The following LRRCC1 variants were observed in gnomAD, a reference collection of about 807,000 sequenced individuals.
The protein encoded by LRRCC1 is leucine-rich repeat and coiled-coil domain-containing protein 1.
In LRRCC1, 115 loss-of-function variants were observed where a neutral mutation model predicts 126.0. The observed-to-expected ratio is 0.91, with a 90% confidence interval of 0.78 to 1.07. The LOEUF is 1.07. LRRCC1 is among the 50% of genes least tolerant of loss of function. The pLI is 0.00. For synonymous variants in LRRCC1, 400 were observed against 393.4 expected, an observed-to-expected ratio of 1.02 and a Z score of -0.20; for missense variants, 1,172 against 1,175.7, an observed-to-expected ratio of 1.00 and a Z score of 0.05.
At chr8:85,119,867 G>A (rs940370657) in intron 6 of LRRCC1, among the ~76,000 whole-genome samples, 11 of 152,120 alleles carry the variant, frequency 7.2e-5, no homozygotes, top group Non-Finnish European at 1.5e-4. Flanking sequence ...TTTTAAAGCC[G>A]TAAACATTCC....
In LRRCC1 at chr8:85,115,433, A is replaced by G; in HGVS notation, c.779A>G (p.Gln260Arg). Residue 260 changes from glutamine to arginine, a missense_variant, in exon 6 of 19, where the codon CAG becomes CGG. Physicochemically the swap from Gln to Arg is conservative, Grantham distance 43. Transcript: ENST00000360375. The stretch of plus-strand genomic sequence containing the variant: ...ATCGATGAGTTAGTTCCCTTGGAAC[A>G]GTTTGCAAGTACACCAAGTGATGCT... Reference protein sequence around the residue: ...APIDELVPLEQFASTPSDAVL... With the variant: ...APIDELVPLERFASTPSDAVL... 1.2e-6 allele frequency: 2 copies of G among 1,613,824 alleles called. No individual in the cohort carries two copies. Among genetic ancestry groups the G allele is most frequent in the Non-Finnish European group, 1.7e-6 (2 of 1,179,764 alleles).
Position 85,137,503 on chromosome 8 carries a change from A to G in LRRCC1, c.2369A>G (p.Gln790Arg). Residue 790 changes from glutamine (Q) to arginine (R), a missense_variant, in exon 15 of 19, where the codon CAA (glutamine) becomes CGA (arginine). Coordinates refer to ENST00000360375, the MANE Select transcript of LRRCC1 (RefSeq NM_033402.5). ...LAQNRGKLEA[Q>R]IESLSRENEC... ...CAAAATCGTGGAAAATTGGAGGCTC[A>G]AATTGAGAGTTTATCTAGAGAGAAT... 2 of 1,558,498 alleles carry G rather than the reference A, an allele frequency of 1.3e-6. No individual in the cohort carries two copies. The highest frequency in any genetic ancestry group is 1.3e-5 in the South Asian group (1 of 79,516).
At chr8:85,114,229 A>ATT (rs556542098) in intron 4 of LRRCC1, among the ~76,000 whole-genome samples, 17 of 146,580 alleles carry the variant, frequency 1.2e-4, no homozygotes, top group African/African-American at 4.2e-4. Flanking sequence ...CTCAAGTTGG[A>ATT]TTTTTTTTTT....
At chr8:85,143,415 A>G (rs924087683) in intron 18 of LRRCC1, among the ~76,000 whole-genome samples, 1 of 152,094 alleles carries the variant, frequency 6.6e-6, no homozygotes, top group African/African-American at 2.4e-5. Context: ...AGGTGGAAGG[A>G]TCACTCAAGA....
chr8:85,141,601 G>A, intron 18 of LRRCC1, 84 bp downstream of exon 18: 1 of 1,067,882 alleles, frequency 9.4e-7, no homozygotes, highest in Non-Finnish European at 1.3e-6. Context: ...ATTATAAAGA[G>A]AAAAGGCAAC....
At chr8:85,116,898 G>A (rs988043113) in intron 6 of LRRCC1, among the ~76,000 whole-genome samples, 20 of 152,182 alleles carry the variant, frequency 1.3e-4, no homozygotes, top group Non-Finnish European at 2.9e-5. Flanking sequence ...AGAGATTTCA[G>A]TTTGAGCCAA....
intron 1 of LRRCC1, chr8:85,107,707 C>G (rs1440846031): frequency 8.4e-6 from 2 of 238,392 alleles, no homozygotes; most frequent in African/African-American, 4.5e-5. Context: ...TGCTGGTTTT[C>G]CTTACTTACT....
Position 85,109,779 on chromosome 8 carries a change from A to T in LRRCC1, c.289A>T (p.Asn97Tyr). ...TKLCTLNLSC[N>Y]LITKVEGLEE... ...ACTGTGCACATTAAATTTGTCCTGC[A>T]ATTTGATTACAAAAGTAGAAGGTTT... The change falls in exon 2 of 19, where the codon AAT becomes TAT. Residue 97 changes from asparagine (N) to tyrosine (Y), a missense_variant. Coordinates refer to ENST00000360375, the MANE Select transcript of LRRCC1 (RefSeq NM_033402.5). The T allele has an allele frequency of 6.4e-7, 1 of 1,572,484 alleles. No individual in the cohort carries two copies. Among genetic ancestry groups the T allele is most frequent in the East Asian group, 2.3e-5 (1 of 44,236 alleles).
chr8:85,120,129 G>T (rs1477044733), intron 6 of LRRCC1, among the ~76,000 whole-genome samples: 2 of 150,890 alleles, frequency 1.3e-5, no homozygotes, highest in African/African-American at 4.9e-5. Context: ...AATTTATTGA[G>T]TTTTTTTTTA....
At chr8:85,136,565 G>A (rs1461353221) in intron 14 of LRRCC1, among the ~76,000 whole-genome samples, 1 of 152,120 alleles carries the variant, frequency 6.6e-6, no homozygotes, top group East Asian at 1.9e-4. Flanking sequence ...GTGACCCACC[G>A]TACCCGGCCA....
intron 6 of LRRCC1, among the ~76,000 whole-genome samples, chr8:85,120,332 A>G (rs1391170162): frequency 6.6e-6 from 1 of 151,952 alleles, no homozygotes. Flanking sequence ...ATCTAGTTCT[A>G]TCAATTGTGG....
intron 18 of LRRCC1, 46 bp downstream of exon 18, chr8:85,141,563 T>G (rs573502536): frequency 6.1e-5 from 82 of 1,352,634 alleles, no homozygotes; most frequent in Non-Finnish European, 7.8e-5. Context: ...ATTACATGAT[T>G]ATAGCTAAAT....
chr8:85,123,655 C>G, intron 7 of LRRCC1, 49 bp downstream of exon 7: 1 of 1,319,702 alleles, frequency 7.6e-7, no homozygotes, highest in Non-Finnish European at 1.0e-6. Context: ...GTTAATAATG[C>G]TGGCTTCTCT....
At chr8:85,108,543 G>A (rs1324469595) in intron 1 of LRRCC1, 3 of 152,052 alleles carry the variant, frequency 2.0e-5, no homozygotes, top group Non-Finnish European at 2.9e-5. Flanking sequence ...TATTAATGTC[G>A]AGAAACTGAA....
In LRRCC1 at chr8:85,124,908, A is replaced by C. The variant is rs760212522; in HGVS notation, c.1241A>C (p.Asp414Ala). 2 of 1,606,202 alleles carry C rather than the reference A, an allele frequency of 1.2e-6. No homozygotes were observed. Among genetic ancestry groups the C allele is most frequent in the South Asian group, 1.1e-5 (1 of 89,212 alleles). Residue 414 changes from aspartate to alanine, a missense_variant, in exon 8 of 19, where the codon GAC becomes GCC. Asp to Ala is a moderately radical substitution (Grantham distance 126). Coordinates refer to ENST00000360375, the MANE Select transcript of LRRCC1 (RefSeq NM_033402.5). ...CCAAAGACTGAAATAATTAAAGTAG[A>C]CCAAAGTCACTCAGAAGACAACACT... ...EKPKTEIIKVDQSHSEDNTYQ... is the reference protein window; with the variant it reads ...EKPKTEIIKVAQSHSEDNTYQ...
At chr8:85,126,144 A>G (rs1046192008) in intron 8 of LRRCC1, among the ~76,000 whole-genome samples, 2 of 152,134 alleles carry the variant, frequency 1.3e-5, no homozygotes, top group African/African-American at 2.4e-5. Flanking sequence ...CTATGAGTAT[A>G]TACTATTTCA....
rs1378004002 is a variant in LRRCC1 at position 85,129,938 on chromosome 8, T to C, written c.1646T>C (p.Val549Ala). Residue 549 changes from valine to alanine, a missense_variant, in exon 11 of 19, where the codon GTG (valine) becomes GCG (alanine). By Grantham distance (64) the Val-to-Ala change is moderately conservative. Transcript: ENST00000360375. ...ACTCAGATAAGACTGATCCAAGAGG[T>C]GGAACTCAAAGCTTCAGCTGCCGAT... ...QAAQIRLIQEVELKASAADRE... is the reference protein window; with the variant it reads ...QAAQIRLIQEAELKASAADRE... 2 of 1,582,042 alleles carry C rather than the reference T, an allele frequency of 1.3e-6. No homozygotes were observed. The highest frequency in any genetic ancestry group is 2.3e-5 in the East Asian group (1 of 42,902).
Position 85,138,395 on chromosome 8 carries a change from A to G in LRRCC1, c.2760A>G (p.Gln920=). Reference sequence around the variant, plus strand: ...AACTTCTATGTCATCTTGAAACACAAGTAAAAGAAGTGAAAGAAAAATTTG... The same window carrying G: ...AACTTCTATGTCATCTTGAAACACAGGTAAAAGAAGTGAAAGAAAAATTTG... ...KGELLCHLET[Q]VKEVKEKFEN... Residue 920 remains glutamine, a synonymous_variant, in exon 17 of 19, where the codon CAA becomes CAG. Transcript: ENST00000360375. 6.2e-7 allele frequency: 1 copy of G among 1,612,570 alleles called. No homozygotes were observed. The highest frequency in any genetic ancestry group is 8.5e-7 in the Non-Finnish European group (1 of 1,179,158).
intron 17 of LRRCC1, among the ~76,000 whole-genome samples, chr8:85,139,024 C>T (rs534983141): frequency 6.6e-6 from 1 of 150,548 alleles, no homozygotes; most frequent in Non-Finnish European, 1.5e-5. Context: ...CCAGCCTGGG[C>T]AACAAGAGCG....
Sources: allele counts gnomAD v4.1 joint callset (sites outside exome capture counted in the v4.1 genomes callset), GRCh38; gene constraint gnomAD v4.1.1; transcripts MANE v1.5; gene names NCBI Gene and HGNC (gene_info 2026-07-23, HGNC 2026-07-21).